The following ZNF395 variants were observed in gnomAD, a reference collection of about 807,000 sequenced individuals.
The protein encoded by ZNF395 is HD gene regulatory region-binding protein 2.
ZNF395 carries 20 observed loss-of-function variants against 57.7 expected under a neutral mutation model. The ratio of observed to expected loss-of-function variants is 0.35; its 90% confidence interval spans 0.24 to 0.50. The LOEUF is 0.50. Among genes scored for constraint, ZNF395 ranks in the 20% least tolerant of loss-of-function variants. ZNF395 has a pLI of 0.97. For missense variants in ZNF395, 606 were observed against 671.2 expected (o/e 0.90, Z 1.07); for synonymous variants, 295 against 275.9 (o/e 1.07, Z -0.69).
intron 1 of ZNF395, among the ~76,000 whole-genome samples, chr8:28,369,920 G>A (rs1263399402): frequency 2.0e-5 from 3 of 152,100 alleles, no homozygotes; most frequent in Admixed American, 2.0e-4. Flanking sequence ...TGAATTTGGG[G>A]CCTAAATGAG....
In ZNF395 at chr8:28,356,861, G is replaced by C; in HGVS notation, c.474-82C>G. 1 of 1,142,782 alleles carries C rather than the reference G, an allele frequency of 8.8e-7. No homozygotes were observed. 70.8% of individuals were successfully genotyped at this position (1,142,782 alleles called of 1,614,324 possible). A position where few individuals can be genotyped will look rare whatever the true frequency, so the allele number is the denominator to read the frequency against. On this transcript the variant is annotated intron_variant, in intron 3 of 9. Coordinates refer to ENST00000344423, the MANE Select transcript of ZNF395 (RefSeq NM_018660.3). The surrounding 1 kb of genome is among the most constrained non-coding windows in gnomAD (Gnocchi z 4.0). ...CCTTGCAAAACGAGACACCACTTCT[G>C]GCTGGTTTCACACAATCATCTTACA...
chr8:28,363,445 T>C (rs1801874253), intron 1 of ZNF395, among the ~76,000 whole-genome samples: 1 of 152,056 alleles, frequency 6.6e-6, no homozygotes, highest in Non-Finnish European at 1.5e-5. Context: ...TAAACTGTTT[T>C]TTAAAACACT....
chr8:28,367,881 A>G (rs1280587345), intron 1 of ZNF395, among the ~76,000 whole-genome samples: 3 of 152,250 alleles, frequency 2.0e-5, no homozygotes, highest in Admixed American at 6.5e-5. Flanking sequence ...AATGAAGGCA[A>G]AAGTATCAAG....
chr8:28,358,764 AC>A (rs1394424954), intron 3 of ZNF395, among the ~76,000 whole-genome samples: 1 of 152,184 alleles, frequency 6.6e-6, no homozygotes, highest in Non-Finnish European at 1.5e-5. Context: ...TAATTTCTTG[AC>A]ATGTGACACA....
rs567203455 is a variant in ZNF395 at position 28,368,858 on chromosome 8, T to C, written c.-58-7676A>G. Among the ~76,000 whole-genome samples, 6 of 152,170 alleles carry C rather than the reference T, an allele frequency of 3.9e-5. No individual in the cohort carries two copies. In the South Asian group the frequency reaches 1.2e-3, roughly 32 times the overall value. On this transcript the variant is annotated intron_variant, in intron 1 of 9. Transcript: ENST00000344423. ...CTTTTCTTTCTCTTTTTTTTTGAGA[T>C]AGAGTCTCGCTCTGTCGACCAGGTT... is the stretch of plus-strand genomic sequence containing the variant.
rs377603411 is a variant in ZNF395 at position 28,351,479 on chromosome 8, G to A, written c.1233+16C>T. On this transcript the variant is annotated intron_variant, in intron 7 of 9. Transcript: ENST00000344423. ...TCAGCTATGAGCCTGAGCCTCCAGCGAGCCCCGCCCCATACCTGGTATGCA... is the reference window on the plus strand; with the variant it reads ...TCAGCTATGAGCCTGAGCCTCCAGCAAGCCCCGCCCCATACCTGGTATGCA... 147 of 1,568,858 alleles carry A rather than the reference G, an allele frequency of 9.4e-5. No homozygotes were observed. In the African/African-American group the frequency reaches 1.3e-3, roughly 14 times the overall value.
At chr8:28,373,771 A>T (rs1802005498) in intron 1 of ZNF395, among the ~76,000 whole-genome samples, 2 of 152,178 alleles carry the variant, frequency 1.3e-5, no homozygotes, top group Non-Finnish European at 2.9e-5. Flanking sequence ...CAGCAATGGT[A>T]TGTGCGACCT....
chr8:28,372,357 GA>G (rs1372116604), intron 1 of ZNF395, among the ~76,000 whole-genome samples: 1 of 152,070 alleles, frequency 6.6e-6, no homozygotes, highest in Non-Finnish European at 1.5e-5. Context: ...ATGCTGACCT[GA>G]AAAAAAGTAG....
intron 1 of ZNF395, among the ~76,000 whole-genome samples, chr8:28,367,110 T>G (rs918063182): frequency 6.6e-6 from 1 of 151,824 alleles, no homozygotes; most frequent in Non-Finnish European, 1.5e-5. Flanking sequence ...CAATGTGGAT[T>G]CTCAGGGCAT....
intron 3 of ZNF395, among the ~76,000 whole-genome samples, chr8:28,357,275 A>G (rs978002518): frequency 6.6e-6 from 1 of 151,824 alleles, no homozygotes; most frequent in Non-Finnish European, 1.5e-5. Flanking sequence ...ACCTTCTCCC[A>G]CCCCTCCCCC....
At chr8:28,367,635 C>T (rs1360314127) in intron 1 of ZNF395, among the ~76,000 whole-genome samples, 2 of 152,184 alleles carry the variant, frequency 1.3e-5, no homozygotes, top group African/African-American at 2.4e-5. Context: ...CTCTCAGAAA[C>T]GCAGTGCCTT....
intron 2 of ZNF395, among the ~76,000 whole-genome samples, chr8:28,360,276 G>A (rs1801832520): frequency 6.6e-6 from 1 of 152,238 alleles, no homozygotes; most frequent in Admixed American, 6.5e-5. Flanking sequence ...AAGTTGGCAG[G>A]CCACCTTCTC....
At chr8:28,381,014 A>AGTGTGTGTGTGTGT (rs10561721) in intron 1 of ZNF395, among the ~76,000 whole-genome samples, 207 of 134,306 alleles carry the variant, frequency 1.5e-3, no homozygotes, top group Middle Eastern at 0.011. Context: ...ACACCCTGCT[A>AGTGTGTGTGTGTGT]GTGTGTGTGT....
chr8:28,369,707 T>G (rs1216309029), intron 1 of ZNF395, among the ~76,000 whole-genome samples: 1 of 152,220 alleles, frequency 6.6e-6, no homozygotes, highest in African/African-American at 2.4e-5. Flanking sequence ...GGCCAGCCTC[T>G]GGGAGCTAAT....
At chr8:28,351,949 G>T in intron 6 of ZNF395, 142 bp from the exon 7 acceptor site, 1 of 887,402 alleles carries the variant, frequency 1.1e-6, no homozygotes, top group Non-Finnish European at 1.7e-6. Context: ...CAGGTGCCTC[G>T]CTCCTGACGG....
intron 2 of ZNF395, 58 bp downstream of exon 2, chr8:28,360,827 A>C: frequency 6.3e-7 from 1 of 1,590,542 alleles, no homozygotes; most frequent in Non-Finnish European, 8.6e-7. Context: ...AGGGCACCCC[A>C]GCCCCCTACC....
At chr8:28,358,652 G>T (rs1449567378) in intron 3 of ZNF395, among the ~76,000 whole-genome samples, 1 of 152,114 alleles carries the variant, frequency 6.6e-6, no homozygotes, top group Non-Finnish European at 1.5e-5. Flanking sequence ...GCCCAGGCTG[G>T]TCTCAAACTC....
intron 1 of ZNF395, among the ~76,000 whole-genome samples, chr8:28,373,627 G>A (rs76327946): frequency 6.4e-4 from 97 of 152,194 alleles, no homozygotes; most frequent in Non-Finnish European, 1.1e-3. Context: ...CTGCCCGTTC[G>A]GCCTGTGATT....
At chr8:28,381,048 T>TGTGTGC (rs1166262838) in intron 1 of ZNF395, among the ~76,000 whole-genome samples, 1 of 148,904 alleles carries the variant, frequency 6.7e-6, no homozygotes, top group African/African-American at 2.6e-5. Context: ...TGTGTGTGTG[T>TGTGTGC]GTGTGTGTGT....
Sources: allele counts gnomAD v4.1 joint callset (sites outside exome capture counted in the v4.1 genomes callset), GRCh38; gene constraint gnomAD v4.1.1; non-coding constraint Gnocchi (gnomAD v3.1); transcripts MANE v1.5; gene names NCBI Gene and HGNC (gene_info 2026-07-23, HGNC 2026-07-21).